BCL11B: variants seen among roughly 807,000 people sequenced by gnomAD.
The protein encoded by BCL11B is BCL11 transcription factor B.
In BCL11B, 8 loss-of-function variants were observed where a neutral mutation model predicts 49.9. The observed-to-expected ratio is 0.16, with a 90% CI of 0.09 to 0.29. The LOEUF (loss-of-function observed/expected upper bound fraction) is 0.29. Among genes scored for constraint, BCL11B ranks in the 10% least tolerant of loss-of-function variants. BCL11B has a pLI of 1.00. For synonymous variants in BCL11B, 739 were observed against 637.4 expected (o/e 1.16, Z -2.40); for missense variants, 1,006 against 1,351.0 (o/e 0.74, Z 4.00).
intron 3 of BCL11B, among the ~76,000 whole-genome samples, chr14:99,229,043 CATGGATGGATGGATGGATGGATGG>C (rs1181779397): frequency 9.5e-6 from 1 of 104,758 alleles, no homozygotes; most frequent in Non-Finnish European, 2.0e-5. Context: ...TGGATGGATG[CATGGATGGATGGATGGATGGATGG>C]ATGGATGGAT....
At chr14:99,222,870 CTTCCTTTCT>C (rs941245931) in intron 3 of BCL11B, among the ~76,000 whole-genome samples, 80 of 150,156 alleles carry the variant, frequency 5.3e-4, no homozygotes, top group African/African-American at 1.9e-3. Flanking sequence ...TCCTTCTTTC[CTTCCTTTCT>C]TTCCTTTCTT....
chr14:99,172,729 T>G lies in BCL11B; in HGVS notation c.*1422A>C, dbSNP rs1449607348. ...AAGAGAAGAATATGCTGCAATTTCT[T>G]GTTTAGAAGCCATTTAATTTAAATG... On this transcript the variant is annotated 3_prime_UTR_variant, in exon 4 of 4. Transcript: ENST00000357195. The G allele has an allele frequency of 4.6e-6, 1 of 217,980 alleles. No homozygotes were observed. 13.5% of individuals were successfully genotyped at this position (217,980 alleles called of 1,614,324 possible).
intron 3 of BCL11B, among the ~76,000 whole-genome samples, chr14:99,224,041 C>T (rs2139872604): frequency 6.6e-6 from 1 of 152,338 alleles, no homozygotes; most frequent in South Asian, 2.1e-4. Context: ...CCCGTCATGC[C>T]CATTTCCGGA....
At chr14:99,203,249 C>T (rs931716414) in intron 3 of BCL11B, among the ~76,000 whole-genome samples, 21 of 152,172 alleles carry the variant, frequency 1.4e-4, no homozygotes, top group African/African-American at 4.6e-4. Flanking sequence ...AACAGAAGGT[C>T]TCCACAGGGC....
Position 99,232,840 on chromosome 14 carries a change from A to C in BCL11B, c.428-1283T>G, listed in dbSNP as rs953271827. Among the ~76,000 whole-genome samples, 2 of 152,188 alleles carry C rather than the reference A, an allele frequency of 1.3e-5. No homozygotes were observed. The highest frequency in any genetic ancestry group is 4.8e-5 in the African/African-American group (2 of 41,452). On this transcript the variant is annotated intron_variant, in intron 2 of 3. Transcript: ENST00000357195. This position sits in a 1 kb window ranked among gnomAD's most constrained non-coding sequence, Gnocchi z 5.1. Reference sequence around the variant, plus strand: ...CTTTCTCTGTAGCCCTGGTTTCTCTAAAACATGGGTTATCCAGGATCAAGG... The same window carrying C: ...CTTTCTCTGTAGCCCTGGTTTCTCTCAAACATGGGTTATCCAGGATCAAGG...
intron 2 of BCL11B, among the ~76,000 whole-genome samples, chr14:99,254,118 C>T (rs1300354110): frequency 6.6e-6 from 1 of 152,226 alleles, no homozygotes; most frequent in Non-Finnish European, 1.5e-5. Context: ...CCTCTGGGGG[C>T]TGTTTACCTG....
At chr14:99,193,377 G>T (rs976763389) in intron 3 of BCL11B, among the ~76,000 whole-genome samples, 22 of 152,150 alleles carry the variant, frequency 1.4e-4, no homozygotes, top group African/African-American at 5.1e-4. Context: ...TTTTCAATAA[G>T]TGCTTGCTTT....
rs2139749663 is a variant in BCL11B at position 99,173,363 on chromosome 14, G to A, written c.*788C>T. 4.5e-6 allele frequency: 1 copy of A among 221,156 alleles called. No homozygotes were observed. The highest frequency in any genetic ancestry group is 9.1e-6 in the Non-Finnish European group (1 of 110,450). The allele number at this position is 221,156 out of a possible 1,614,324, so 13.7% of individuals were successfully genotyped here. A position where few individuals can be genotyped will look rare whatever the true frequency, so the allele number is the denominator to read the frequency against. ...ATCTCTGGCGGCGCTGAGTCTGTGG[G>A]GTGCCTCCCCCAGCACCACCACTCA... is the stretch of plus-strand genomic sequence containing the variant. On this transcript the variant is annotated 3_prime_UTR_variant, in exon 4 of 4. Transcript: ENST00000357195.
intron 1 of BCL11B, among the ~76,000 whole-genome samples, chr14:99,265,777 T>C (rs1316166556): frequency 2.6e-5 from 4 of 152,174 alleles, no homozygotes; most frequent in Non-Finnish European, 5.9e-5. Flanking sequence ...GAAGGCTCTT[T>C]CTCCAGCTGA....
Position 99,241,662 on chromosome 14 carries a change from T to C in BCL11B, c.428-10105A>G, listed in dbSNP as rs1888674824. Reference sequence around the variant, plus strand: ...CTGCTTGCTACGTGTCCCTGTGCTGTAGGGGGGACGATGTCGCTTTTTTCC... The same window carrying C: ...CTGCTTGCTACGTGTCCCTGTGCTGCAGGGGGGACGATGTCGCTTTTTTCC... On this transcript the variant is annotated intron_variant, in intron 2 of 3. Transcript: ENST00000357195. This position sits in a 1 kb window ranked among gnomAD's most constrained non-coding sequence, Gnocchi z 4.4. 6.6e-6 allele frequency among the ~76,000 whole-genome samples: 1 copy of C among 152,102 alleles called. No homozygotes were observed. The highest frequency in any genetic ancestry group is 2.1e-4 in the South Asian group (1 of 4,816).
rs976341168 is a variant in BCL11B, at chr14:99,231,591, C to G, written c.428-34G>C. ...AAAACAATAGAAAAGACTGGTCAGT[C>G]GGGCCCTGGACTGTGTGAGGGGCAC... On this transcript the variant is annotated intron_variant, in intron 2 of 3. Coordinates refer to ENST00000357195, the MANE Select transcript of BCL11B (RefSeq NM_138576.4). The surrounding 1 kb of genome is among the most constrained non-coding windows in gnomAD (Gnocchi z 8.1). The G allele has an allele frequency of 1.1e-5, 16 of 1,401,566 alleles. 1 individual carries two copies. The highest frequency in any genetic ancestry group is 1.3e-5 in the Non-Finnish European group (14 of 1,037,538). The allele number at this position is 1,401,566 out of a possible 1,614,324, so 86.8% of individuals were successfully genotyped here.
chr14:99,176,534 T>C (rs1214974662), intron 3 of BCL11B, among the ~76,000 whole-genome samples: 1 of 152,192 alleles, frequency 6.6e-6, no homozygotes, highest in Non-Finnish European at 1.5e-5. Context: ...GAGAATACGG[T>C]CCAGTAGTAG....
rs1889709143 is a variant in BCL11B at position 99,272,165 on chromosome 14, G to A, written c.-947C>T. Among the ~76,000 whole-genome samples, 1 of 152,132 alleles carries A rather than the reference G, an allele frequency of 6.6e-6. No individual in the cohort carries two copies. The highest frequency in any genetic ancestry group is 2.4e-5 in the African/African-American group (1 of 41,438). ...TGCAACGTGAAGATGGCGGAGTCCG[G>A]GTTCTCTGGGAGCTCTCGGTCTCTC... On this transcript the variant is annotated 5_prime_UTR_variant, in exon 1 of 4. Coordinates refer to ENST00000357195, the MANE Select transcript of BCL11B (RefSeq NM_138576.4). This position sits in a 1 kb window ranked among gnomAD's most constrained non-coding sequence, Gnocchi z 6.0.
chr14:99,204,533 G>A (rs185853641), intron 3 of BCL11B, among the ~76,000 whole-genome samples: 2 of 152,178 alleles, frequency 1.3e-5, no homozygotes, highest in African/African-American at 4.8e-5. Flanking sequence ...CAGGGAGGTG[G>A]GTGGGGGACT....
At chr14:99,263,223 C>T (rs1889387674) in intron 1 of BCL11B, 1 of 153,236 alleles carries the variant, frequency 6.5e-6, no homozygotes, top group Admixed American at 6.5e-5. Flanking sequence ...GCTCTGCACC[C>T]TCCTGACACC....
intron 1 of BCL11B, among the ~76,000 whole-genome samples, chr14:99,267,764 T>C (rs1047849640): frequency 2.6e-5 from 4 of 152,238 alleles, no homozygotes; most frequent in African/African-American, 7.2e-5. Context: ...AACTTTTGCA[T>C]TGAATCTTGC....
At chr14:99,220,788 C>T (rs749579957) in intron 3 of BCL11B, among the ~76,000 whole-genome samples, 5 of 152,216 alleles carry the variant, frequency 3.3e-5, no homozygotes, top group Non-Finnish European at 7.3e-5. Context: ...GTGAGAATCA[C>T]TGGAGATACA....
Position 99,171,746 on chromosome 14 carries a change from C to T in BCL11B, c.*2405G>A, listed in dbSNP as rs1886297220. ...TTTTTTTTGAAATAAAAATTCAACACCCAAGGCAGAAAAAAATTTACTAAA... is the reference window on the plus strand; with the variant it reads ...TTTTTTTTGAAATAAAAATTCAACATCCAAGGCAGAAAAAAATTTACTAAA... On this transcript the variant is annotated 3_prime_UTR_variant, in exon 4 of 4. Transcript: ENST00000357195. 1 of 209,882 alleles carries T rather than the reference C, an allele frequency of 4.8e-6. No individual in the cohort carries two copies. The highest frequency in any genetic ancestry group is 2.3e-5 in the African/African-American group (1 of 43,822). 13.0% of individuals were successfully genotyped at this position (209,882 alleles called of 1,614,324 possible).
chr14:99,207,412 G>A (rs1458153794), intron 3 of BCL11B, among the ~76,000 whole-genome samples: 1 of 152,110 alleles, frequency 6.6e-6, no homozygotes, highest in Non-Finnish European at 1.5e-5. Flanking sequence ...CTCTAGCTGA[G>A]ACCTTGGGAC....
Sources: gnomAD v4.1 joint callset for allele counts (sites outside exome capture counted in the v4.1 genomes callset) on GRCh38, gnomAD v4.1.1 for gene constraint, Gnocchi (gnomAD v3.1) non-coding constraint, MANE v1.5 for transcripts, NCBI Gene and HGNC (gene_info 2026-07-23, HGNC 2026-07-21) for gene names.